The following RPTOR variants were observed in gnomAD, a reference collection of about 807,000 sequenced individuals.
RPTOR encodes the protein regulatory-associated protein of mTOR.
Under a neutral mutation model 169.9 loss-of-function variants are expected in RPTOR, and 21 were observed. That is an observed-to-expected ratio of 0.12 (90% CI 0.09 to 0.18). The LOEUF is 0.18. Among genes scored for constraint, RPTOR ranks in the 10% least tolerant of loss-of-function variants. The pLI is 1.00. For missense variants in RPTOR, 1,133 were observed against 1,855.9 expected (o/e 0.61, Z 7.16); for synonymous variants, 732 against 753.2 (o/e 0.97, Z 0.46).
At chr17:80,597,048 TTACA>T (rs2065149691) in intron 1 of RPTOR, among the ~76,000 whole-genome samples, 1 of 152,146 alleles carries the variant, frequency 6.6e-6, no homozygotes, top group Non-Finnish European at 1.5e-5. Context: ...TGCAAGAAGC[TTACA>T]GCATCATTTC....
chr17:80,605,461 G>A (rs2065221857), intron 1 of RPTOR, among the ~76,000 whole-genome samples: 1 of 152,212 alleles, frequency 6.6e-6, no homozygotes, highest in African/African-American at 2.4e-5. Flanking sequence ...AGCCTGCGCA[G>A]GGTTTTTCCG....
chr17:80,792,070 G>A (rs533514961), intron 7 of RPTOR, among the ~76,000 whole-genome samples: 149 of 152,144 alleles, frequency 9.8e-4, no homozygotes, highest in African/African-American at 3.4e-3. Flanking sequence ...TGTCCCTCGC[G>A]TGATCTTTTT....
At chr17:80,899,618 C>T (rs1472187313) in intron 20 of RPTOR, among the ~76,000 whole-genome samples, 2 of 152,248 alleles carry the variant, frequency 1.3e-5, no homozygotes, top group African/African-American at 4.8e-5. Context: ...CAAACTCTTC[C>T]TGTGAAAGAG....
At chr17:80,673,797 G>A (rs560587966) in intron 3 of RPTOR, among the ~76,000 whole-genome samples, 1 of 152,332 alleles carries the variant, frequency 6.6e-6, no homozygotes, top group Non-Finnish European at 1.5e-5. Flanking sequence ...TGCAGCATTG[G>A]CAGCCATCAA....
intron 19 of RPTOR, among the ~76,000 whole-genome samples, chr17:80,893,203 G>A (rs1019165177): frequency 8.5e-5 from 13 of 152,248 alleles, no homozygotes; most frequent in African/African-American, 2.9e-4. Context: ...GGCTCCCAGG[G>A]AGATCAGTGA....
intron 24 of RPTOR, among the ~76,000 whole-genome samples, chr17:80,933,042 C>CA (rs2068916754): frequency 1.3e-5 from 2 of 152,216 alleles, no homozygotes; most frequent in Admixed American, 6.5e-5. Flanking sequence ...ATTCTGTACA[C>CA]ACAAAAATAT....
At chr17:80,893,135 G>A (rs898214878) in intron 19 of RPTOR, among the ~76,000 whole-genome samples, 1 of 152,238 alleles carries the variant, frequency 6.6e-6, no homozygotes, top group African/African-American at 2.4e-5. Context: ...GTGGCTCCTT[G>A]GAGGGCTGTG....
intron 1 of RPTOR, among the ~76,000 whole-genome samples, chr17:80,597,527 T>G (rs1345679562): frequency 6.6e-6 from 1 of 152,148 alleles, no homozygotes; most frequent in Non-Finnish European, 1.5e-5. Context: ...TTTCTTTTTC[T>G]TATCCTTTTT....
chr17:80,880,300 G>A, intron 13 of RPTOR, 115 bp from the exon 14 acceptor site: 1 of 854,218 alleles, frequency 1.2e-6, no homozygotes, highest in Non-Finnish European at 2.0e-6. Flanking sequence ...CTTGAAAGGA[G>A]GAAATAATTG....
chr17:80,690,196 G>A (rs976071766), intron 3 of RPTOR, among the ~76,000 whole-genome samples: 1 of 151,696 alleles, frequency 6.6e-6, no homozygotes, highest in Non-Finnish European at 1.5e-5. Flanking sequence ...CCTTTCATCT[G>A]TGCCCCCACC....
rs2069422785 is a variant in RPTOR, at chr17:80,965,938, C to T, written c.*1608C>T. 4.3e-6 allele frequency: 1 copy of T among 233,272 alleles called. No individual in the cohort carries two copies. Among genetic ancestry groups the T allele is most frequent in the South Asian group, 1.8e-4 (1 of 5,538 alleles). 14.5% of individuals were successfully genotyped at this position (233,272 alleles called of 1,614,324 possible). A position where few individuals can be genotyped will look rare whatever the true frequency, so the allele number is the denominator to read the frequency against. On this transcript the variant is annotated 3_prime_UTR_variant, in exon 34 of 34. Coordinates refer to ENST00000306801, the MANE Select transcript of RPTOR (RefSeq NM_020761.3). ...CGGAAGGTGTAGAGAGTCCCGGCCTCACTCAGCTCACAGGGCGTGCCAGGC... is the reference window on the plus strand; with the variant it reads ...CGGAAGGTGTAGAGAGTCCCGGCCTTACTCAGCTCACAGGGCGTGCCAGGC...
chr17:80,918,593 G>A (rs904800115), intron 21 of RPTOR, among the ~76,000 whole-genome samples: 2 of 152,080 alleles, frequency 1.3e-5, no homozygotes, highest in Non-Finnish European at 2.9e-5. Context: ...TTGGAGCCTG[G>A]GGCTCCTTCA....
chr17:80,581,727 C>T (rs1394088886), intron 1 of RPTOR, among the ~76,000 whole-genome samples: 1 of 151,982 alleles, frequency 6.6e-6, no homozygotes, highest in East Asian at 1.9e-4. Context: ...CACATTGGGC[C>T]AGTGCATGCC....
intron 13 of RPTOR, among the ~76,000 whole-genome samples, chr17:80,866,638 G>A (rs1598363442): frequency 6.6e-6 from 1 of 152,232 alleles, no homozygotes; most frequent in East Asian, 1.9e-4. Flanking sequence ...TTAAAAGGAT[G>A]ATAGGCAAAT....
At chr17:80,642,877 A>G (rs2065564578) in intron 2 of RPTOR, among the ~76,000 whole-genome samples, 1 of 152,240 alleles carries the variant, frequency 6.6e-6, no homozygotes, top group Non-Finnish European at 1.5e-5. Context: ...AAAATGGATG[A>G]GAGTCACCCA....
At chr17:80,888,948 C>T (rs1490334850) in intron 17 of RPTOR, among the ~76,000 whole-genome samples, 1 of 152,184 alleles carries the variant, frequency 6.6e-6, no homozygotes, top group East Asian at 1.9e-4. Flanking sequence ...GGGCTGTGCC[C>T]ATCAGAGGGC....
At chr17:80,697,631 T>C (rs1384841884) in intron 3 of RPTOR, among the ~76,000 whole-genome samples, 1 of 152,196 alleles carries the variant, frequency 6.6e-6, no homozygotes, top group East Asian at 1.9e-4. Flanking sequence ...TGGGAACGTC[T>C]GGGCCAAGGA....
chr17:80,743,854 G>C (rs12449591), intron 5 of RPTOR, among the ~76,000 whole-genome samples: 3,091 of 16,826 alleles, frequency 0.18, 313 homozygotes, highest in African/African-American at 0.4. Flanking sequence ...GTTACTAGCA[G>C]AGCCCTGGCT....
rs1468604214 is a variant in RPTOR at position 80,885,272 on chromosome 17, A to G, written c.1983+124A>G. 6.3e-6 allele frequency: 7 copies of G among 1,119,744 alleles called. No homozygotes were observed. In the African/African-American group the frequency reaches 1.1e-4, roughly 18 times the overall value. 69.4% of individuals were successfully genotyped at this position (1,119,744 alleles called of 1,614,324 possible). A position where few individuals can be genotyped will look rare whatever the true frequency, so the allele number is the denominator to read the frequency against. ...TCAGTTTCCACTGCGTGTCATTGCG[A>G]GAGCAGATCTTTACATGTTTCATTC... On this transcript the variant is annotated intron_variant, in intron 17 of 33. Coordinates refer to ENST00000306801, the MANE Select transcript of RPTOR (RefSeq NM_020761.3).
Sources: gnomAD v4.1 joint callset for allele counts (sites outside exome capture counted in the v4.1 genomes callset) on GRCh38, gnomAD v4.1.1 for gene constraint, MANE v1.5 for transcripts, NCBI Gene and HGNC (gene_info 2026-07-23, HGNC 2026-07-21) for gene names.